The following AKAP7 variants were observed in gnomAD, a reference collection of about 807,000 sequenced individuals.
AKAP7 encodes the protein A kinase (PRKA) anchor protein 7.
Under a neutral mutation model 39.5 loss-of-function variants are expected in AKAP7, and 39 were observed. That is an observed-to-expected ratio of 0.99 (90% CI 0.76 to 1.29). AKAP7 has a LOEUF of 1.29. Ranked by LOEUF, AKAP7 falls within the 50% of genes most tolerant of loss-of-function variation. AKAP7 has a pLI of 0.00. For missense variants in AKAP7, 414 were observed against 407.7 expected, an observed-to-expected ratio of 1.02 and a Z score of -0.13; for synonymous variants, 140 against 139.1, an observed-to-expected ratio of 1.01 and a Z score of -0.05.
At chr6:131,177,209 C>T (rs771194267) in intron 5 of AKAP7, among the ~76,000 whole-genome samples, 1 of 152,098 alleles carries the variant, frequency 6.6e-6, no homozygotes, top group Non-Finnish European at 1.5e-5. Context: ...TATGGGCTGT[C>T]TTCGTTCATT....
intron 7 of AKAP7, among the ~76,000 whole-genome samples, chr6:131,276,572 C>G (rs914784843): frequency 3.3e-5 from 5 of 151,838 alleles, no homozygotes; most frequent in Admixed American, 6.6e-5. Flanking sequence ...AAAAAATCCA[C>G]TTCTGAGGAG....
At chr6:131,271,098 A>T (rs1236215009) in intron 7 of AKAP7, among the ~76,000 whole-genome samples, 3 of 151,986 alleles carry the variant, frequency 2.0e-5, no homozygotes, top group African/African-American at 7.2e-5. Flanking sequence ...TCTTTTTTTT[A>T]AAGTTTGTGC....
At chr6:131,196,544 A>G (rs953159579) in intron 5 of AKAP7, among the ~76,000 whole-genome samples, 4 of 152,076 alleles carry the variant, frequency 2.6e-5, no homozygotes, top group Non-Finnish European at 5.9e-5. Context: ...GATTACAGGC[A>G]TGAGACACCG....
rs145344954 is a variant in AKAP7 at position 131,249,556 on chromosome 6, G to A, written c.850+29748G>A. 4.2e-3 allele frequency among the ~76,000 whole-genome samples: 632 copies of A among 152,236 alleles called. 4 individuals are homozygous for A. Among genetic ancestry groups the A allele is most frequent in the Middle Eastern group, 6.8e-3 (2 of 294 alleles). ...AATAGAGGAGTAAGAAAGAATCAGG[G>A]TGGAATTTCTGGCACTATGAACAAT... On this transcript the variant is annotated intron_variant, in intron 7 of 7. Transcript: ENST00000431975.
At chr6:131,204,297 T>C (rs2128285335) in intron 6 of AKAP7, among the ~76,000 whole-genome samples, 1 of 152,292 alleles carries the variant, frequency 6.6e-6, no homozygotes, top group South Asian at 2.1e-4. Context: ...GGGAAATGTT[T>C]AAGTCAATTA....
intron 7 of AKAP7, among the ~76,000 whole-genome samples, chr6:131,264,823 A>C (rs1585206276): frequency 6.6e-6 from 1 of 152,260 alleles, no homozygotes; most frequent in Non-Finnish European, 1.5e-5. Context: ...GCAGAAGGTG[A>C]AGTGGGAGCA....
intron 5 of AKAP7, among the ~76,000 whole-genome samples, chr6:131,197,565 TTA>T (rs1807061901): frequency 6.6e-6 from 1 of 152,200 alleles, no homozygotes; most frequent in Admixed American, 6.5e-5. Context: ...TCTTTTTTCT[TTA>T]TGTTTTCTTT....
intron 7 of AKAP7, among the ~76,000 whole-genome samples, chr6:131,229,615 C>A (rs1810474965): frequency 6.6e-6 from 1 of 152,150 alleles, no homozygotes; most frequent in Non-Finnish European, 1.5e-5. Flanking sequence ...AAAGTGGCCT[C>A]CCAAAGTGCT....
At chr6:131,182,247 A>G (rs1028040309) in intron 5 of AKAP7, among the ~76,000 whole-genome samples, 4 of 152,222 alleles carry the variant, frequency 2.6e-5, no homozygotes, top group African/African-American at 9.7e-5. Context: ...CAACCAATCT[A>G]CGGAATCTTT....
chr6:131,166,171 G>C (rs6913609), intron 4 of AKAP7, among the ~76,000 whole-genome samples: 29 of 152,288 alleles, frequency 1.9e-4, no homozygotes, highest in African/African-American at 3.9e-4. Context: ...TCTGTCCCAA[G>C]CTGATGTACC....
Position 131,281,715 on chromosome 6 carries a change from A to G in AKAP7, c.1036A>G (p.Asn346Asp). Residue 346 changes from asparagine (N) to aspartate (D), a missense_variant, in exon 8 of 8, where the codon AAC becomes GAC. Coordinates refer to ENST00000431975, the MANE Select transcript of AKAP7 (RefSeq NM_016377.4). This position sits in a 1 kb window ranked among gnomAD's most constrained non-coding sequence, Gnocchi z 4.0. Reference sequence around the variant, plus strand: ...TCAGAATGGCAATGACAATGAGAACAACAGGAAATGAGCCCGGAACGCAGG... The same window carrying G: ...TCAGAATGGCAATGACAATGAGAACGACAGGAAATGAGCCCGGAACGCAGG... Reference protein sequence around the residue: ...ADQNGNDNENNRK With the variant: ...ADQNGNDNENDRK 6.2e-7 allele frequency: 1 copy of G among 1,604,890 alleles called. No homozygotes were observed. Among genetic ancestry groups the G allele is most frequent in the Non-Finnish European group, 8.5e-7 (1 of 1,175,630 alleles).
At chr6:131,249,804 G>A (rs1339532825) in intron 7 of AKAP7, among the ~76,000 whole-genome samples, 1 of 151,988 alleles carries the variant, frequency 6.6e-6, no homozygotes, top group Non-Finnish European at 1.5e-5. Context: ...TCTATATTTG[G>A]GTAATTTTCT....
At chr6:131,247,293 A>T (rs1337896360) in intron 7 of AKAP7, among the ~76,000 whole-genome samples, 1 of 121,044 alleles carries the variant, frequency 8.3e-6, no homozygotes, top group African/African-American at 3.4e-5. Flanking sequence ...ATATATATAT[A>T]TATATATATA....
intron 7 of AKAP7, among the ~76,000 whole-genome samples, chr6:131,226,585 GAATT>G (rs1810184421): frequency 6.6e-6 from 1 of 152,196 alleles, no homozygotes; most frequent in African/African-American, 2.4e-5. Flanking sequence ...CGAGTTGGGT[GAATT>G]AATTTTTCTC....
chr6:131,184,470 A>G, intron 5 of AKAP7: 1 of 665,924 alleles, frequency 1.5e-6, no homozygotes, highest in Non-Finnish European at 2.8e-6. Flanking sequence ...GCATCACAAA[A>G]GCCCAGCTGG....
chr6:131,177,395 G>T (rs910933927), intron 5 of AKAP7, among the ~76,000 whole-genome samples: 1 of 152,172 alleles, frequency 6.6e-6, no homozygotes, highest in Non-Finnish European at 1.5e-5. Flanking sequence ...GTGAGTGGGT[G>T]CATGCAAAGA....
chr6:131,173,800 A>G (rs1804312365), intron 5 of AKAP7, among the ~76,000 whole-genome samples: 2 of 152,328 alleles, frequency 1.3e-5, no homozygotes, highest in Non-Finnish European at 2.9e-5. Context: ...TAATATAAAT[A>G]TCTCTGCACT....
At chr6:131,197,280 CT>C (rs764873142) in intron 5 of AKAP7, among the ~76,000 whole-genome samples, 3 of 152,044 alleles carry the variant, frequency 2.0e-5, no homozygotes, top group Non-Finnish European at 4.4e-5. Context: ...TAATAAATAT[CT>C]TTTCATAGAA....
At chr6:131,269,263 A>G (rs545844616) in intron 7 of AKAP7, among the ~76,000 whole-genome samples, 12 of 152,262 alleles carry the variant, frequency 7.9e-5, no homozygotes, top group African/African-American at 2.6e-4. Flanking sequence ...AGGTTGCACC[A>G]TGTTGGCCAG....
Sources: allele counts gnomAD v4.1 joint callset (sites outside exome capture counted in the v4.1 genomes callset), GRCh38; gene constraint gnomAD v4.1.1; non-coding constraint Gnocchi (gnomAD v3.1); transcripts MANE v1.5; gene names NCBI Gene and HGNC (gene_info 2026-07-23, HGNC 2026-07-21).